Variants in LDLRAD4 observed in about 807,000 individuals in gnomAD.
LDLRAD4 encodes low-density lipoprotein receptor class A domain-containing protein 4.
A neutral mutation model predicts 17.0 loss-of-function variants in LDLRAD4; 5 were observed. The observed-to-expected ratio is 0.29, with a 90% CI of 0.15 to 0.62. The LOEUF (loss-of-function observed/expected upper bound fraction) is 0.62, where lower values mean the gene tolerates loss of function less well. Ranked by LOEUF, LDLRAD4 falls within the 20% of genes least tolerant of loss-of-function variation. The pLI is 0.84. For missense variants in LDLRAD4, 340 were observed against 424.7 expected, an observed-to-expected ratio of 0.80 and a Z score of 1.75; for synonymous variants, 168 against 171.8, an observed-to-expected ratio of 0.98 and a Z score of 0.17.
chr18:13,350,919 T>C (rs1275209908), intron 1 of LDLRAD4, among the ~76,000 whole-genome samples: 2 of 152,200 alleles, frequency 1.3e-5, no homozygotes, highest in Non-Finnish European at 2.9e-5. Context: ...TTGTACAGTT[T>C]GTTGAAGAGC....
At chr18:13,424,825 C>A (rs898441794) in intron 2 of LDLRAD4, among the ~76,000 whole-genome samples, 10 of 152,168 alleles carry the variant, frequency 6.6e-5, no homozygotes, top group Non-Finnish European at 1.5e-4. Flanking sequence ...GCATTTTGGC[C>A]TCCAGGGGGA....
intron 1 of LDLRAD4, among the ~76,000 whole-genome samples, chr18:13,233,808 T>G (rs1040593988): frequency 3.9e-5 from 6 of 152,084 alleles, no homozygotes; most frequent in African/African-American, 1.2e-4. Context: ...TACACCTACC[T>G]GCCTACCGGG....
chr18:13,508,476 G>T (rs2093728879), intron 3 of LDLRAD4, among the ~76,000 whole-genome samples: 1 of 152,204 alleles, frequency 6.6e-6, no homozygotes, highest in African/African-American at 2.4e-5. Context: ...AGCTTCAAAG[G>T]ACAGGCTAAA....
At position 13,640,510 on chromosome 18, in the gene LDLRAD4, C is replaced by G. The variant is rs184751825; in HGVS notation, c.337-2849C>G. 5.9e-5 allele frequency among the ~76,000 whole-genome samples: 9 copies of G among 152,326 alleles called. No homozygotes were observed. In the East Asian group the frequency reaches 1.5e-3, roughly 26 times the overall value. On this transcript the variant is annotated intron_variant, in intron 4 of 5. Transcript: ENST00000359446. The stretch of plus-strand genomic sequence containing the variant: ...TCTACCAGTGGCCAACTCTCCTGCT[C>G]CAGGCTTGGTTCTCAGGCTTTGAGA...
chr18:13,567,626 C>A (rs1292871498), intron 3 of LDLRAD4, among the ~76,000 whole-genome samples: 3 of 152,216 alleles, frequency 2.0e-5, no homozygotes, highest in Non-Finnish European at 4.4e-5. Context: ...AACTGCTTTT[C>A]TCTTTCCCCT....
chr18:13,448,656 T>C (rs912858146), intron 3 of LDLRAD4, among the ~76,000 whole-genome samples: 2 of 151,356 alleles, frequency 1.3e-5, no homozygotes, highest in African/African-American at 4.9e-5. Flanking sequence ...GGGCGGAGGC[T>C]GGGGGACCAC....
chr18:13,580,097 TCTC>T (rs1164702536), intron 3 of LDLRAD4, among the ~76,000 whole-genome samples: 1 of 152,190 alleles, frequency 6.6e-6, no homozygotes. Context: ...CACTGACACT[TCTC>T]CTCAGGATGA....
intron 3 of LDLRAD4, among the ~76,000 whole-genome samples, chr18:13,545,979 G>C (rs1239399413): frequency 1.3e-5 from 2 of 152,138 alleles, no homozygotes; most frequent in African/African-American, 4.8e-5. Flanking sequence ...GGATAGGGTC[G>C]GGATGCAGTG....
At chr18:13,405,602 ATTTTT>A (rs540287028) in intron 2 of LDLRAD4, among the ~76,000 whole-genome samples, 1 of 135,076 alleles carries the variant, frequency 7.4e-6, no homozygotes, top group Non-Finnish European at 1.6e-5. Context: ...GGCTAATTAA[ATTTTT>A]TTTTTTTTTT....
In LDLRAD4 at chr18:13,353,998, CT is replaced by C. The variant is rs145234721; in HGVS notation, c.-382-33334del. On this transcript the variant is annotated intron_variant, in intron 1 of 5. Transcript: ENST00000359446. ...TGATGTCACTGCTCCAGATAATATTCTTTTTTTTTCCTAGTTAATACAACAG... is the reference window on the plus strand; with the variant it reads ...TGATGTCACTGCTCCAGATAATATTCTTTTTTTTCCTAGTTAATACAACAG... Among the ~76,000 whole-genome samples, 768 of 151,752 alleles carry C rather than the reference CT, an allele frequency of 5.1e-3. 10 individuals carry two copies. Among genetic ancestry groups the C allele is most frequent in the African/African-American group, 0.018 (735 of 41,362 alleles).
intron 3 of LDLRAD4, among the ~76,000 whole-genome samples, chr18:13,503,843 CTAGT>C (rs1246967096): frequency 3.3e-5 from 5 of 151,370 alleles, no homozygotes; most frequent in Admixed American, 1.3e-4. Context: ...AATTATGAGA[CTAGT>C]TATGATAGAG....
chr18:13,248,930 A>G (rs2043101267), intron 1 of LDLRAD4, among the ~76,000 whole-genome samples: 1 of 152,146 alleles, frequency 6.6e-6, no homozygotes, highest in African/African-American at 2.4e-5. Context: ...AACTTCTAGT[A>G]TTCCCTTTTC....
intron 1 of LDLRAD4, among the ~76,000 whole-genome samples, chr18:13,333,640 C>A (rs975693204): frequency 3.3e-5 from 5 of 152,146 alleles, no homozygotes; most frequent in African/African-American, 1.2e-4. Context: ...CCTAGTAGTT[C>A]CAGCACGATT....
intron 3 of LDLRAD4, among the ~76,000 whole-genome samples, chr18:13,584,389 C>T (rs2094907438): frequency 6.6e-6 from 1 of 152,248 alleles, no homozygotes. Flanking sequence ...TTCCTCTCCT[C>T]TCCTGAGCTG....
At chr18:13,374,736 C>T (rs990356442) in intron 1 of LDLRAD4, among the ~76,000 whole-genome samples, 8 of 152,174 alleles carry the variant, frequency 5.3e-5, no homozygotes, top group African/African-American at 1.7e-4. Flanking sequence ...AATGGTCATC[C>T]CTGTTGGCTG....
At chr18:13,443,292 C>T (rs2091153108) in intron 3 of LDLRAD4, among the ~76,000 whole-genome samples, 1 of 152,156 alleles carries the variant, frequency 6.6e-6, no homozygotes, top group Non-Finnish European at 1.5e-5. Context: ...CTGTAGGCAC[C>T]AAGCTATGAC....
At chr18:13,642,348 G>A (rs2042649530) in intron 4 of LDLRAD4, 15 of 1,007,416 alleles carry the variant, frequency 1.5e-5, no homozygotes, top group Non-Finnish European at 1.8e-5. Context: ...CGACAGCCCC[G>A]CGGACCCTGC....
rs74534142 is a variant in LDLRAD4, at chr18:13,548,769, C to T, written c.182-72348C>T. ...CACCAACTTGGAAAGGGTTAGGGCT[C>T]CCACCTGTTCCTGGCTCCTGCCTGC... On this transcript the variant is annotated intron_variant, in intron 3 of 5. Coordinates refer to ENST00000359446, the Ensembl canonical transcript of LDLRAD4. Among the ~76,000 whole-genome samples, 716 of 152,322 alleles carry T rather than the reference C, an allele frequency of 4.7e-3. 18 individuals carry two copies. The East Asian group carries it at 0.073, about 16-fold the overall frequency.
intron 1 of LDLRAD4, among the ~76,000 whole-genome samples, chr18:13,360,483 G>GACACCTTCT (rs553980658): frequency 0.014 from 2,144 of 152,286 alleles, 34 homozygotes; most frequent in Middle Eastern, 0.034. Flanking sequence ...TTTGCCTGGT[G>GACACCTTCT]GCAGATATCA....
Sources: allele counts gnomAD v4.1 joint callset (sites outside exome capture counted in the v4.1 genomes callset), GRCh38; gene constraint gnomAD v4.1.1; transcripts MANE v1.5; gene names NCBI Gene and HGNC (gene_info 2026-07-23, HGNC 2026-07-21).